MYO1D: variants seen among roughly 807,000 people sequenced by gnomAD.
The protein encoded by MYO1D is unconventional myosin-Id.
Under a neutral mutation model 122.0 loss-of-function variants are expected in MYO1D, and 83 were observed. The observed-to-expected ratio is 0.68, with a 90% CI of 0.57 to 0.82. The LOEUF (loss-of-function observed/expected upper bound fraction) is 0.82, where lower values mean the gene tolerates loss of function less well. Ranked by LOEUF, MYO1D falls within the 40% of genes least tolerant of loss-of-function variation. MYO1D has a pLI of 0.00. For synonymous variants in MYO1D, 464 were observed against 446.9 expected (o/e 1.04, Z -0.48); for missense variants, 1,157 against 1,269.5 (o/e 0.91, Z 1.35).
Position 32,767,686 on chromosome 17 carries a change from G to C in MYO1D, c.781C>G (p.Pro261Ala), listed in dbSNP as rs2090072073. ...ADAMKVIGFK[P>A]EEIQTVYKIL... is the part of the protein sequence containing the mutation. ...TTATACACTGTTTGGATCTCCTCAG[G>C]TTTGAAGCCAATGACTTTCATGGCA... The change falls in exon 7 of 22, where the codon CCT becomes GCT. Residue 261 changes from proline to alanine, a missense_variant. By Grantham distance (27) the Pro-to-Ala change is conservative. Coordinates refer to ENST00000318217, the MANE Select transcript of MYO1D (RefSeq NM_015194.3). 4 of 1,613,722 alleles carry C rather than the reference G, an allele frequency of 2.5e-6. No homozygotes were observed. In the African/African-American group the frequency reaches 5.3e-5, roughly 22 times the overall value.
chr17:32,722,735 G>T (rs1224458077), intron 14 of MYO1D, among the ~76,000 whole-genome samples: 1 of 152,186 alleles, frequency 6.6e-6, no homozygotes, highest in Non-Finnish European at 1.5e-5. Context: ...GATGACTATG[G>T]TATAGTAATA....
chr17:32,528,585 CA>C (rs1459300303), intron 21 of MYO1D, among the ~76,000 whole-genome samples: 1 of 152,004 alleles, frequency 6.6e-6, no homozygotes, highest in Non-Finnish European at 1.5e-5. Context: ...CCGTACGTGG[CA>C]AAAAGGCCTG....
chr17:32,822,090 C>A (rs1286820204), intron 1 of MYO1D, among the ~76,000 whole-genome samples: 1 of 151,874 alleles, frequency 6.6e-6, no homozygotes, highest in East Asian at 1.9e-4. Flanking sequence ...TTTATTGTGG[C>A]ACTATTCACA....
intron 16 of MYO1D, among the ~76,000 whole-genome samples, chr17:32,690,409 A>T (rs1451123595): frequency 6.6e-6 from 1 of 152,166 alleles, no homozygotes; most frequent in African/African-American, 2.4e-5. Flanking sequence ...TCCTGAGCTC[A>T]GGCAATCTGC....
chr17:32,631,302 T>C (rs1689825), intron 20 of MYO1D, among the ~76,000 whole-genome samples: 39,566 of 152,054 alleles, frequency 0.26, 5,448 homozygotes, highest in East Asian at 0.37. Context: ...CATATGTAAA[T>C]GTGAACCTAC....
At chr17:32,868,576 T>C (rs983096686) in intron 1 of MYO1D, among the ~76,000 whole-genome samples, 4 of 152,154 alleles carry the variant, frequency 2.6e-5, no homozygotes, top group Non-Finnish European at 5.9e-5. Context: ...TGAAAATATC[T>C]AGCTCTCTAG....
At chr17:32,693,385 A>G (rs2089130179) in intron 16 of MYO1D, among the ~76,000 whole-genome samples, 1 of 132,092 alleles carries the variant, frequency 7.6e-6, no homozygotes, top group Non-Finnish European at 1.6e-5. Context: ...CACCTCAAGT[A>G]AAAAAAAAAA....
chr17:32,822,202 G>T (rs941862632), intron 1 of MYO1D, among the ~76,000 whole-genome samples: 1 of 152,086 alleles, frequency 6.6e-6, no homozygotes, highest in Non-Finnish European at 1.5e-5. Context: ...CCATAAAAAA[G>T]GATGAGTTCA....
At chr17:32,612,529 A>AG (rs1354328609) in intron 20 of MYO1D, among the ~76,000 whole-genome samples, 1 of 151,630 alleles carries the variant, frequency 6.6e-6, no homozygotes, top group East Asian at 2.0e-4. Context: ...CTAAAAAAAA[A>AG]ATTAGCTGGA....
chr17:32,599,416 C>T (rs952680955), intron 21 of MYO1D, among the ~76,000 whole-genome samples: 1 of 152,250 alleles, frequency 6.6e-6, no homozygotes, highest in Admixed American at 6.5e-5. Context: ...TCTACCACAT[C>T]TGCAATAACT....
intron 21 of MYO1D, among the ~76,000 whole-genome samples, chr17:32,589,660 T>C (rs961789917): frequency 1.3e-5 from 2 of 152,178 alleles, no homozygotes; most frequent in African/African-American, 4.8e-5. Flanking sequence ...TTGAGAATCT[T>C]CTCTCCCTAC....
intron 1 of MYO1D, among the ~76,000 whole-genome samples, chr17:32,821,476 A>G (rs1441846661): frequency 6.6e-6 from 1 of 152,178 alleles, no homozygotes. Context: ...TTGTAGAGAA[A>G]TAAGAGATGG....
intron 21 of MYO1D, chr17:32,504,855 A>T (rs1909442279): frequency 6.6e-6 from 1 of 152,168 alleles, no homozygotes; most frequent in African/African-American, 2.4e-5. Context: ...CCCTCCTCCC[A>T]TCAAGCCTAT....
intron 6 of MYO1D, among the ~76,000 whole-genome samples, chr17:32,768,618 G>A (rs1171894888): frequency 6.6e-6 from 1 of 152,134 alleles, no homozygotes; most frequent in Non-Finnish European, 1.5e-5. Context: ...AGTTCCTCTA[G>A]TGTCCAGGAG....
At chr17:32,503,855 CT>C (rs919331842) in intron 21 of MYO1D, among the ~76,000 whole-genome samples, 1 of 152,194 alleles carries the variant, frequency 6.6e-6, no homozygotes, top group African/African-American at 2.4e-5. Context: ...GTAAATCCCC[CT>C]GCTGATGTCA....
intron 20 of MYO1D, among the ~76,000 whole-genome samples, chr17:32,618,669 C>G (rs1389877389): frequency 1.3e-5 from 2 of 148,310 alleles, no homozygotes; most frequent in Non-Finnish European, 3.0e-5. Flanking sequence ...GAATCTTGCT[C>G]TGTTGCCCAG....
At position 32,555,891 on chromosome 17, in the gene MYO1D, T is replaced by C. The variant is rs113340951; in HGVS notation, c.2864+49196A>G. 6.9e-3 allele frequency among the ~76,000 whole-genome samples: 1,055 copies of C among 152,318 alleles called. 13 individuals carry two copies. The highest frequency in any genetic ancestry group is 0.024 in the African/African-American group (1,000 of 41,556). ...ACTGGGTTGGTCTTCACAGTTCCTG[T>C]TCATCTTCCGAGCCTGAGCTGAAGT... On this transcript the variant is annotated intron_variant, in intron 21 of 21. Coordinates refer to ENST00000318217, the MANE Select transcript of MYO1D (RefSeq NM_015194.3).
chr17:32,805,928 G>C (rs1020132040), intron 1 of MYO1D, among the ~76,000 whole-genome samples: 2 of 152,124 alleles, frequency 1.3e-5, no homozygotes, highest in Admixed American at 1.3e-4. Flanking sequence ...ACTGCCTTCT[G>C]GGGTTTGATG....
intron 1 of MYO1D, among the ~76,000 whole-genome samples, chr17:32,847,595 A>G (rs2090949750): frequency 6.6e-6 from 1 of 152,154 alleles, no homozygotes; most frequent in South Asian, 2.1e-4. Flanking sequence ...GCTCATTGCA[A>G]TCTCCACCTC....
Sources: gnomAD v4.1 joint callset for allele counts (sites outside exome capture counted in the v4.1 genomes callset) on GRCh38, gnomAD v4.1.1 for gene constraint, MANE v1.5 for transcripts, NCBI Gene and HGNC (gene_info 2026-07-23, HGNC 2026-07-21) for gene names.